CLASP1: variants seen among roughly 807,000 people sequenced by gnomAD.
CLASP1 encodes the protein cytoplasmic linker associated protein 1.
In CLASP1, 38 loss-of-function variants were observed where a neutral mutation model predicts 192.3. The observed-to-expected ratio is 0.20, with a 90% CI of 0.15 to 0.26. The LOEUF is 0.26. Ranked by LOEUF, CLASP1 falls within the 10% of genes least tolerant of loss-of-function variation. CLASP1 has a pLI of 1.00. For missense variants in CLASP1, 1,433 were observed against 1,932.5 expected (o/e 0.74, Z 4.85); for synonymous variants, 691 against 712.8 (o/e 0.97, Z 0.49).
intron 2 of CLASP1, among the ~76,000 whole-genome samples, chr2:121,531,199 G>C (rs148776414): frequency 2.0e-5 from 3 of 152,128 alleles, no homozygotes; most frequent in African/African-American, 7.2e-5. Flanking sequence ...ACTTTACGCC[G>C]ATCATCAACT....
intron 2 of CLASP1, among the ~76,000 whole-genome samples, chr2:121,544,987 T>A (rs2312588): frequency 6.6e-6 from 1 of 151,306 alleles, no homozygotes; most frequent in East Asian, 1.9e-4. Flanking sequence ...TCTTGGCTCA[T>A]TGCAACCTCT....
chr2:121,418,878 A>AG, intron 22 of CLASP1, 149 bp from the exon 23 acceptor site: 2 of 619,646 alleles, frequency 3.2e-6, no homozygotes, highest in Non-Finnish European at 5.8e-6. Flanking sequence ...ATCCATGCTG[A>AG]GGTCTCACTG....
chr2:121,620,928 T>G (rs1303596335), intron 1 of CLASP1, among the ~76,000 whole-genome samples: 1 of 152,168 alleles, frequency 6.6e-6, no homozygotes, highest in Non-Finnish European at 1.5e-5. Flanking sequence ...GCCTATGTTT[T>G]AGGTGTCATA....
intron 8 of CLASP1, among the ~76,000 whole-genome samples, chr2:121,482,968 T>C (rs13413270): frequency 0.2 from 31,074 of 152,128 alleles, 5,961 homozygotes; most frequent in African/African-American, 0.5. Flanking sequence ...TCCCACTTGC[T>C]AGGTTCGCAG....
At chr2:121,382,076 ACTC>A (rs2071814167) in intron 33 of CLASP1, 129 bp downstream of exon 34, 1 of 710,082 alleles carries the variant, frequency 1.4e-6, no homozygotes, top group Non-Finnish European at 2.5e-6. Context: ...CCAAGGCTCT[ACTC>A]CTGCTATGTG....
intron 8 of CLASP1, among the ~76,000 whole-genome samples, chr2:121,476,537 C>CA (rs2091636738): frequency 6.6e-6 from 1 of 152,176 alleles, no homozygotes; most frequent in African/African-American, 2.4e-5. Context: ...TAACGACCAA[C>CA]AAAAAGTCAC....
chr2:121,472,551 A>G (rs1243693753), intron 8 of CLASP1, among the ~76,000 whole-genome samples: 1 of 152,218 alleles, frequency 6.6e-6, no homozygotes, highest in East Asian at 1.9e-4. Flanking sequence ...AGGGGAACTC[A>G]AATTAAACAT....
At chr2:121,610,404 A>G (rs1215268410) in intron 1 of CLASP1, among the ~76,000 whole-genome samples, 8 of 129,708 alleles carry the variant, frequency 6.2e-5, no homozygotes, top group African/African-American at 1.5e-4. Flanking sequence ...AGGAGGAGTT[A>G]CAGGAGGAAG....
chr2:121,478,922 A>C (rs2092258226), intron 8 of CLASP1, among the ~76,000 whole-genome samples: 1 of 71,344 alleles, frequency 1.4e-5, no homozygotes, highest in East Asian at 4.3e-4. Flanking sequence ...CACCACACAC[A>C]CACCACACAA....
intron 19 of CLASP1, among the ~76,000 whole-genome samples, chr2:121,444,429 A>T (rs1266300214): frequency 1.3e-5 from 2 of 152,216 alleles, no homozygotes; most frequent in Non-Finnish European, 2.9e-5. Flanking sequence ...AGAGGAGAGA[A>T]AAATATATTT....
At chr2:121,549,451 G>C (rs1020416665) in intron 2 of CLASP1, among the ~76,000 whole-genome samples, 3 of 152,086 alleles carry the variant, frequency 2.0e-5, no homozygotes, top group African/African-American at 7.2e-5. Context: ...AAAGTTCTTA[G>C]AGACCTTCAA....
chr2:121,554,529 T>C (rs1172773400), intron 2 of CLASP1, among the ~76,000 whole-genome samples: 1 of 148,502 alleles, frequency 6.7e-6, no homozygotes, highest in Non-Finnish European at 1.5e-5. Flanking sequence ...ACTCAGGAGG[T>C]TGAGGTGGGA....
intron 1 of CLASP1, among the ~76,000 whole-genome samples, chr2:121,609,267 T>A (rs79793993): frequency 0.038 from 5,740 of 152,264 alleles, 157 homozygotes; most frequent in Middle Eastern, 0.085. Flanking sequence ...AAACCTCCCC[T>A]TCAACCATAA....
chr2:121,618,955 C>T (rs1412463230), intron 1 of CLASP1, among the ~76,000 whole-genome samples: 1 of 152,176 alleles, frequency 6.6e-6, no homozygotes, highest in Non-Finnish European at 1.5e-5. Context: ...AATCTAGAAA[C>T]TGGATGGATA....
chr2:121,503,221 A>C lies in CLASP1; in HGVS notation c.658T>G (p.Phe220Val), dbSNP rs200120405. 1.2e-4 allele frequency: 183 copies of C among 1,537,022 alleles called. No homozygotes were observed. The highest frequency in any genetic ancestry group is 1.4e-4 in the Non-Finnish European group (157 of 1,133,584). Residue 220 changes from phenylalanine to valine, a missense_variant, in exon 8 of 40, where the codon TTT becomes GTT. Physicochemically the swap from Phe to Val is conservative, Grantham distance 50. Around this residue, in one of 8 missense-constraint regions of CLASP1, gnomAD observed 282 missense variants for 359.9 expected, o/e 0.78. Coordinates refer to ENST00000263710, the Ensembl canonical transcript of CLASP1. ...TTCTGGACTTCATCAAATTTTGTAA[A>C]AATTACATTCAACCTGTATGAAAGA...
intron 8 of CLASP1, among the ~76,000 whole-genome samples, chr2:121,485,082 T>C (rs746342098): frequency 5.3e-5 from 8 of 152,168 alleles, no homozygotes; most frequent in East Asian, 1.9e-4. Flanking sequence ...ATTTTGGACA[T>C]GGTGGTTCAG....
intron 1 of CLASP1, among the ~76,000 whole-genome samples, chr2:121,617,814 C>A (rs1225098580): frequency 6.6e-6 from 1 of 152,206 alleles, no homozygotes; most frequent in African/African-American, 2.4e-5. Context: ...TCCAAAATAA[C>A]CAGCATCCAT....
chr2:121,340,740 T>C (rs916060392), exon 40 of CLASP1: 19 of 696,950 alleles, frequency 2.7e-5, no homozygotes, highest in African/African-American at 2.7e-4. Context: ...AAAATACTGA[T>C]TGTAATAAAT....
intron 2 of CLASP1, among the ~76,000 whole-genome samples, chr2:121,582,055 T>C (rs1052868023): frequency 6.6e-6 from 1 of 151,194 alleles, no homozygotes; most frequent in Non-Finnish European, 1.5e-5. Context: ...CCCAGCTACG[T>C]GGGAGGCTGA....
Sources: allele counts gnomAD v4.1 joint callset (sites outside exome capture counted in the v4.1 genomes callset), GRCh38; gene constraint gnomAD v4.1.1; regional missense constraint gnomAD v4.1.1; transcripts MANE v1.5; gene names NCBI Gene and HGNC (gene_info 2026-07-23, HGNC 2026-07-21).